The following ELAPOR2 variants were observed in gnomAD, a reference collection of about 807,000 sequenced individuals.
ELAPOR2 encodes the protein endosome-lysosome associated apoptosis and autophagy regulator family member 2.
In ELAPOR2, 89 loss-of-function variants were observed where a neutral mutation model predicts 120.7. The ratio of observed to expected loss-of-function variants is 0.74; its 90% CI spans 0.62 to 0.88. The LOEUF is 0.88. ELAPOR2 is among the 40% of genes least tolerant of loss of function. The pLI is 0.00. For missense variants in ELAPOR2, 1,134 were observed against 1,251.6 expected, an observed-to-expected ratio of 0.91 and a Z score of 1.42; for synonymous variants, 444 against 444.9, an observed-to-expected ratio of 1.00 and a Z score of 0.03.
rs760924570 is a variant in ELAPOR2, at chr7:86,912,933, C to T, written c.1995+8G>A. The T allele has an allele frequency of 6.2e-6, 10 of 1,613,024 alleles. No individual in the cohort carries two copies. On this transcript the variant is annotated splice_region_variant and intron_variant, in intron 14 of 21. Transcript: ENST00000450689. The stretch of plus-strand genomic sequence containing the variant: ...TCATGGGGATACCTGAAATGCAGAC[C>T]CACTTACCTGATTGTTTTTACTCCC...
intron 1 of ELAPOR2, among the ~76,000 whole-genome samples, chr7:86,971,427 T>A (rs1228641876): frequency 6.6e-6 from 1 of 152,218 alleles, no homozygotes; most frequent in Non-Finnish European, 1.5e-5. Flanking sequence ...CTAGACATTC[T>A]ACAATAATAT....
intron 1 of ELAPOR2, among the ~76,000 whole-genome samples, chr7:86,975,852 G>T (rs903039800): frequency 6.6e-6 from 1 of 152,162 alleles, no homozygotes; most frequent in South Asian, 2.1e-4. Context: ...GGGAGTTACC[G>T]GGCTTCTTTT....
At chr7:86,894,612 G>A (rs543733440) in intron 19 of ELAPOR2, among the ~76,000 whole-genome samples, 2 of 151,688 alleles carry the variant, frequency 1.3e-5, no homozygotes, top group Non-Finnish European at 2.9e-5. Context: ...CTCAAATACC[G>A]ACATGGAAAA....
intron 2 of ELAPOR2, among the ~76,000 whole-genome samples, chr7:86,957,582 T>C (rs555364336): frequency 1.3e-5 from 2 of 152,310 alleles, no homozygotes; most frequent in South Asian, 4.1e-4. Context: ...AACAATATGT[T>C]AAGTATGGGG....
At chr7:86,928,926 C>G (rs902078806) in intron 8 of ELAPOR2, among the ~76,000 whole-genome samples, 1 of 151,852 alleles carries the variant, frequency 6.6e-6, no homozygotes, top group Middle Eastern at 3.2e-3. Flanking sequence ...GTCTGGCTGA[C>G]TAGGTAAAGA....
rs185191833 is a variant in ELAPOR2, at chr7:87,037,226, G to A, written c.189+22099C>T. ...TTCAATTACCTCTTATGTACTCATG[G>A]CTCCCAAGTTGTCTCTCAGCTGCAC... On this transcript the variant is annotated intron_variant, in intron 1 of 21. Coordinates refer to ENST00000450689, the MANE Select transcript of ELAPOR2 (RefSeq NM_001142749.3). Among the ~76,000 whole-genome samples the A allele has an allele frequency of 5.3e-5, 8 of 152,042 alleles. No individual in the cohort carries two copies. The East Asian group carries it at 1.5e-3, about 29-fold the overall frequency.
chr7:86,938,902 T>C lies in ELAPOR2; in HGVS notation c.906A>G (p.Pro302=). 6.2e-7 allele frequency: 1 copy of C among 1,613,376 alleles called. No homozygotes were observed. The highest frequency in any genetic ancestry group is 8.5e-7 in the Non-Finnish European group (1 of 1,179,506). ...GACACACCTGGCAGTTGAATGAACC[T>C]GGTTTGTTGCTGAATGTGCCTGGCT... ...PCKPGTFSNK[P]GSFNCQVCPR... Residue 302 remains proline, a synonymous_variant, in exon 7 of 22, where the codon CCA becomes CCG. Coordinates refer to ENST00000450689, the MANE Select transcript of ELAPOR2 (RefSeq NM_001142749.3).
intron 1 of ELAPOR2, among the ~76,000 whole-genome samples, chr7:86,999,399 C>T (rs893181444): frequency 5.9e-5 from 9 of 152,082 alleles, no homozygotes; most frequent in Admixed American, 4.6e-4. Flanking sequence ...AAATGTAATA[C>T]CCCATCAGTA....
At chr7:86,899,494 C>G (rs528601167) in intron 18 of ELAPOR2, among the ~76,000 whole-genome samples, 2 of 152,208 alleles carry the variant, frequency 1.3e-5, no homozygotes, top group South Asian at 4.1e-4. Context: ...TTAAAAAACA[C>G]TCTTTTGAAG....
intron 4 of ELAPOR2, among the ~76,000 whole-genome samples, chr7:86,942,782 A>T (rs1157850783): frequency 3.3e-5 from 5 of 152,086 alleles, no homozygotes; most frequent in Non-Finnish European, 5.9e-5. Context: ...ATGAATACAG[A>T]GACATCAAAA....
intron 1 of ELAPOR2, among the ~76,000 whole-genome samples, chr7:86,977,058 C>T (rs1792305869): frequency 1.3e-5 from 2 of 152,116 alleles, no homozygotes; most frequent in African/African-American, 4.8e-5. Flanking sequence ...TCTATAATAC[C>T]AACTCATATT....
In ELAPOR2 at chr7:86,877,356, C is replaced by T. The variant is rs548327225; in HGVS notation, c.*3115G>A. 6.6e-6 allele frequency: 1 copy of T among 152,152 alleles called. No homozygotes were observed. Among genetic ancestry groups the T allele is most frequent in the South Asian group, 2.1e-4 (1 of 4,824 alleles). 9.4% of individuals were successfully genotyped at this position (152,152 alleles called of 1,614,324 possible). A position where few individuals can be genotyped will look rare whatever the true frequency, so the allele number is the denominator to read the frequency against. On this transcript the variant is annotated 3_prime_UTR_variant, in exon 22 of 22. Coordinates refer to ENST00000450689, the MANE Select transcript of ELAPOR2 (RefSeq NM_001142749.3). ...AAGTTTACTCCTCTAAGGACATTTTCTTTGGGCAAACTCAGTTTAGGAGTT... is the reference window on the plus strand; with the variant it reads ...AAGTTTACTCCTCTAAGGACATTTTTTTTGGGCAAACTCAGTTTAGGAGTT...
chr7:87,056,229 C>T (rs1795257814), intron 1 of ELAPOR2, among the ~76,000 whole-genome samples: 1 of 152,164 alleles, frequency 6.6e-6, no homozygotes, highest in African/African-American at 2.4e-5. Context: ...ATAATCAGCC[C>T]TCATATTTAT....
At chr7:86,998,851 G>T (rs1283454939) in intron 1 of ELAPOR2, among the ~76,000 whole-genome samples, 7 of 146,478 alleles carry the variant, frequency 4.8e-5, no homozygotes, top group South Asian at 2.2e-4. Flanking sequence ...ATAGTTCCTT[G>T]TTTTTTTTTT....
In ELAPOR2 at chr7:87,041,577, C is replaced by G. The variant is rs182474887; in HGVS notation, c.189+17748G>C. 4.2e-3 allele frequency among the ~76,000 whole-genome samples: 634 copies of G among 151,850 alleles called. 4 individuals carry two copies. The highest frequency in any genetic ancestry group is 0.015 in the African/African-American group (611 of 41,356). On this transcript the variant is annotated intron_variant, in intron 1 of 21. Coordinates refer to ENST00000450689, the MANE Select transcript of ELAPOR2 (RefSeq NM_001142749.3). Reference sequence around the variant, plus strand: ...AGCAAATGCTGAGAGATTTTGTAACCACCAGGCCTGCCCTAAAAGAGCTCC... The same window carrying G: ...AGCAAATGCTGAGAGATTTTGTAACGACCAGGCCTGCCCTAAAAGAGCTCC...
intron 1 of ELAPOR2, among the ~76,000 whole-genome samples, chr7:86,979,120 C>CTG (rs58228145): frequency 0.36 from 54,377 of 151,972 alleles, 10,736 homozygotes; most frequent in African/African-American, 0.52. Context: ...CTTTAACTTT[C>CTG]TTTATAGCAT....
intron 1 of ELAPOR2, among the ~76,000 whole-genome samples, chr7:86,981,529 C>A (rs1202662918): frequency 3.9e-5 from 6 of 152,134 alleles, no homozygotes; most frequent in South Asian, 2.1e-4. Flanking sequence ...GTGCTCAAAC[C>A]ATAACAAATG....
intron 21 of ELAPOR2, among the ~76,000 whole-genome samples, chr7:86,888,120 A>G (rs1400300620): frequency 6.6e-6 from 1 of 151,990 alleles, no homozygotes; most frequent in East Asian, 1.9e-4. Context: ...ATGATTATAG[A>G]TAAGAGAGAT....
chr7:87,014,973 T>C (rs1793821510), intron 1 of ELAPOR2, among the ~76,000 whole-genome samples: 1 of 152,072 alleles, frequency 6.6e-6, no homozygotes, highest in South Asian at 2.1e-4. Flanking sequence ...AATTATATCT[T>C]TATTGATTTC....
Sources: gnomAD v4.1 joint callset for allele counts (sites outside exome capture counted in the v4.1 genomes callset) on GRCh38, gnomAD v4.1.1 for gene constraint, MANE v1.5 for transcripts, NCBI Gene and HGNC (gene_info 2026-07-23, HGNC 2026-07-21) for gene names.